The following VWDE variants were observed in gnomAD, a reference collection of about 807,000 sequenced individuals.
The protein encoded by VWDE is von Willebrand factor D and EGF domain-containing protein.
In VWDE, 207 loss-of-function variants were observed where a neutral mutation model predicts 178.4. The ratio of observed to expected loss-of-function variants is 1.16; its 90% CI spans 1.04 to 1.30. The LOEUF (loss-of-function observed/expected upper bound fraction) is 1.30. Ranked by LOEUF, VWDE falls within the 50% of genes most tolerant of loss-of-function variation. The pLI is 0.00. For synonymous variants in VWDE, 738 were observed against 651.4 expected (o/e 1.13, Z -2.02); for missense variants, 2,287 against 1,901.3 (o/e 1.20, Z -3.77).
chr7:12,362,244 CA>C (rs1562486375), intron 13 of VWDE, among the ~76,000 whole-genome samples: 9 of 143,924 alleles, frequency 6.3e-5, no homozygotes, highest in African/African-American at 2.3e-4. Context: ...CACACACACA[CA>C]TAAAAATGCA....
intron 16 of VWDE, among the ~76,000 whole-genome samples, chr7:12,358,779 C>T (rs1237810131): frequency 1.3e-5 from 2 of 152,114 alleles, no homozygotes; most frequent in African/African-American, 2.4e-5. Context: ...ACAGAGGCAC[C>T]AATTCAGAAG....
chr7:12,377,379 A>G (rs2128557500), intron 7 of VWDE, among the ~76,000 whole-genome samples: 1 of 152,262 alleles, frequency 6.6e-6, no homozygotes, highest in East Asian at 1.9e-4. Context: ...AACGTAACTT[A>G]TCAAATGTCT....
chr7:12,402,811 G>C (rs898565718), intron 1 of VWDE, among the ~76,000 whole-genome samples: 2 of 152,100 alleles, frequency 1.3e-5, no homozygotes, highest in Admixed American at 1.3e-4. Context: ...TCAGTAAAAT[G>C]AGTTAAGATC....
chr7:12,357,542 A>T lies in VWDE; in HGVS notation c.3275-27T>A, dbSNP rs962624694. 1.9e-6 allele frequency: 3 copies of T among 1,548,978 alleles called. No homozygotes were observed. The African/African-American group carries it at 4.1e-5, about 21-fold the overall frequency. ...TGTAATAGAGAAAACACTTAACTTT[A>T]TACCCGTGTAGAAAAAGGAATGAAG... On this transcript the variant is annotated intron_variant, in intron 16 of 28. Coordinates refer to ENST00000275358, the MANE Select transcript of VWDE (RefSeq NM_001135924.3).
At chr7:12,343,012 G>A (rs954711193) in intron 22 of VWDE, 71 bp downstream of exon 22, 9 of 1,124,564 alleles carry the variant, frequency 8.0e-6, no homozygotes, top group Middle Eastern at 2.0e-4. Context: ...TTCATTTCAC[G>A]TAGCATTAAG....
chr7:12,350,050 T>C (rs1014894521), intron 19 of VWDE, among the ~76,000 whole-genome samples: 1 of 151,802 alleles, frequency 6.6e-6, no homozygotes, highest in African/African-American at 2.4e-5. Flanking sequence ...AATGAAAAAT[T>C]TTACCAAATA....
chr7:12,367,748 T>C (rs1395711618), intron 12 of VWDE, among the ~76,000 whole-genome samples: 1 of 149,404 alleles, frequency 6.7e-6, no homozygotes, highest in Non-Finnish European at 1.5e-5. Flanking sequence ...TAATGTTTAA[T>C]AATATTTTAT....
At chr7:12,396,356 T>C (rs1308128335) in intron 1 of VWDE, among the ~76,000 whole-genome samples, 1 of 124,808 alleles carries the variant, frequency 8.0e-6, no homozygotes, top group Non-Finnish European at 2.0e-5. Context: ...GAGATAAACA[T>C]GCATAACCCT....
intron 19 of VWDE, among the ~76,000 whole-genome samples, chr7:12,349,501 A>T (rs966543391): frequency 1.5e-4 from 23 of 151,556 alleles, no homozygotes; most frequent in African/African-American, 5.6e-4. Flanking sequence ...AAAAGATTTA[A>T]AAATATATTT....
At chr7:12,395,322 T>C (rs983503618) in intron 1 of VWDE, among the ~76,000 whole-genome samples, 1 of 152,170 alleles carries the variant, frequency 6.6e-6, no homozygotes, top group African/African-American at 2.4e-5. Flanking sequence ...AAAAGAGACT[T>C]TGAAAGATAT....
intron 15 of VWDE, among the ~76,000 whole-genome samples, chr7:12,360,394 C>T (rs920408222): frequency 5.3e-5 from 8 of 151,946 alleles, no homozygotes; most frequent in Admixed American, 2.0e-4. Context: ...TTTTAAAGTA[C>T]TTATGAATAT....
intron 6 of VWDE, among the ~76,000 whole-genome samples, chr7:12,379,244 T>G (rs1365108989): frequency 6.6e-6 from 1 of 152,202 alleles, no homozygotes; most frequent in East Asian, 1.9e-4. Context: ...TTACTCTAAT[T>G]TGAGCTATTT....
In VWDE at chr7:12,389,343, T is replaced by A; in HGVS notation, c.259A>T (p.Thr87Ser). ...TKCVEMNHCG[T>S]QAPIWLSLRD... ...AGAGACAGCCAGATGGGGGCCTGAG[T>A]TCCACAATGGTTCATCTTTTGCAGG... The change falls in exon 3 of 29, where the codon ACT becomes TCT. Residue 87 changes from threonine (T) to serine (S), a missense_variant. Physicochemically the swap from Thr to Ser is moderately conservative, Grantham distance 58. Coordinates refer to ENST00000275358, the MANE Select transcript of VWDE (RefSeq NM_001135924.3). The A allele has an allele frequency of 6.5e-7, 1 of 1,545,982 alleles. No individual in the cohort carries two copies. Among genetic ancestry groups the A allele is most frequent in the Non-Finnish European group, 8.8e-7 (1 of 1,142,178 alleles).
At position 12,357,423 on chromosome 7, in the gene VWDE, C is replaced by G. The variant is rs1583298907; in HGVS notation, c.3367G>C (p.Glu1123Gln). ...FEYQFVAFDPEGSDIHFTLDS... is the reference protein window; with the variant it reads ...FEYQFVAFDPQGSDIHFTLDS... Reference sequence around the variant, plus strand: ...AACGTAAAATGGATGTCAGAACCTTCTGGATCGAAGGCCACGAACTGATAC... The same window carrying G: ...AACGTAAAATGGATGTCAGAACCTTGTGGATCGAAGGCCACGAACTGATAC... The change falls in exon 17 of 29, where the codon GAA (glutamate) becomes CAA (glutamine). Residue 1123 changes from glutamate to glutamine, a missense_variant. Coordinates refer to ENST00000275358, the MANE Select transcript of VWDE (RefSeq NM_001135924.3). 6.4e-7 allele frequency: 1 copy of G among 1,551,928 alleles called. No individual in the cohort carries two copies. The highest frequency in any genetic ancestry group is 8.7e-7 in the Non-Finnish European group (1 of 1,147,066).
At chr7:12,381,126 A>T (rs971855424) in intron 4 of VWDE, among the ~76,000 whole-genome samples, 3 of 152,210 alleles carry the variant, frequency 2.0e-5, no homozygotes, top group African/African-American at 7.2e-5. Flanking sequence ...AAATCAAATT[A>T]CTTTCTCTCT....
At chr7:12,358,307 GAGCTTGCA>G (rs1782377981) in intron 16 of VWDE, among the ~76,000 whole-genome samples, 1 of 151,606 alleles carries the variant, frequency 6.6e-6, no homozygotes, top group Non-Finnish European at 1.5e-5. Flanking sequence ...CCGGGAGGTG[GAGCTTGCA>G]GTGAGCTGAG....
intron 7 of VWDE, among the ~76,000 whole-genome samples, chr7:12,376,523 A>G (rs1480824423): frequency 1.3e-5 from 2 of 152,144 alleles, no homozygotes; most frequent in African/African-American, 4.8e-5. Flanking sequence ...AAAGAATTGA[A>G]AGCATGAAAA....
chr7:12,365,071 C>T (rs181645437), intron 13 of VWDE, among the ~76,000 whole-genome samples: 4 of 151,842 alleles, frequency 2.6e-5, no homozygotes, highest in Admixed American at 6.6e-5. Flanking sequence ...GATGGAGCAC[C>T]GTCACAATAT....
At chr7:12,375,361 T>C (rs1783468511) in intron 7 of VWDE, 134 bp from the exon 8 acceptor site, 9 of 819,116 alleles carry the variant, frequency 1.1e-5, no homozygotes, top group Middle Eastern at 3.6e-4. Flanking sequence ...AAACATATGG[T>C]TGCAAATTTT....
Sources: gnomAD v4.1 joint callset for allele counts (sites outside exome capture counted in the v4.1 genomes callset) on GRCh38, gnomAD v4.1.1 for gene constraint, MANE v1.5 for transcripts, NCBI Gene and HGNC (gene_info 2026-07-23, HGNC 2026-07-21) for gene names.